The following ABTB2 variants were observed in gnomAD, a reference collection of about 807,000 sequenced individuals.
ABTB2 encodes ankyrin repeat and BTB/POZ domain-containing protein 2.
In ABTB2, 56 loss-of-function variants were observed where a neutral mutation model predicts 104.1. The observed-to-expected ratio is 0.54, with a 90% CI of 0.43 to 0.67. ABTB2 has a LOEUF of 0.67. ABTB2 is among the 30% of genes least tolerant of loss of function. The pLI, the probability that ABTB2 is intolerant of heterozygous loss-of-function variation, is 0.00. For missense variants in ABTB2, 1,279 were observed against 1,407.7 expected (o/e 0.91, Z 1.46); for synonymous variants, 606 against 608.2 (o/e 1.00, Z 0.05).
intron 3 of ABTB2, among the ~76,000 whole-genome samples, chr11:34,194,116 G>A (rs1853217372): frequency 6.6e-6 from 1 of 152,204 alleles, no homozygotes; most frequent in Admixed American, 6.5e-5. Context: ...GAAGGAATCA[G>A]GGTACCTTTC....
chr11:34,231,359 C>G (rs1380609861), intron 1 of ABTB2, among the ~76,000 whole-genome samples: 3 of 152,044 alleles, frequency 2.0e-5, no homozygotes, highest in African/African-American at 7.3e-5. Context: ...TTAATAGATA[C>G]CACCCTCCCC....
rs560982079 is a variant in ABTB2 at position 34,204,859 on chromosome 11, G to A, written c.884-169C>T. 5.8e-4 allele frequency among the ~76,000 whole-genome samples: 89 copies of A among 152,286 alleles called. 1 individual carries two copies. Among genetic ancestry groups the A allele is most frequent in the Admixed American group, 1.8e-3 (27 of 15,294 alleles). On this transcript the variant is annotated intron_variant, in intron 1 of 16. Transcript: ENST00000435224. ...GGACTTGAGAACTTTGACTGTGGACGGTGCTATAGGGGCCAGAATGAGAAG... is the reference window on the plus strand; with the variant it reads ...GGACTTGAGAACTTTGACTGTGGACAGTGCTATAGGGGCCAGAATGAGAAG...
At chr11:34,312,326 C>T (rs771065422) in intron 1 of ABTB2, among the ~76,000 whole-genome samples, 10 of 152,100 alleles carry the variant, frequency 6.6e-5, no homozygotes, top group Non-Finnish European at 1.3e-4. Context: ...AGGGTCTCTA[C>T]GAGGCAAGTG....
chr11:34,169,850 G>A (rs1268768190), intron 5 of ABTB2, among the ~76,000 whole-genome samples: 2 of 151,996 alleles, frequency 1.3e-5, no homozygotes, highest in Non-Finnish European at 2.9e-5. Context: ...CCTCCCCCAG[G>A]CTCGGCTCAA....
chr11:34,217,112 T>C (rs773451594), intron 1 of ABTB2, among the ~76,000 whole-genome samples: 10 of 152,258 alleles, frequency 6.6e-5, no homozygotes, highest in Non-Finnish European at 1.3e-4. Context: ...GCTGTTATTC[T>C]GGACACACTG....
At chr11:34,221,838 A>G (rs1177933970) in intron 1 of ABTB2, among the ~76,000 whole-genome samples, 1 of 152,222 alleles carries the variant, frequency 6.6e-6, no homozygotes, top group East Asian at 1.9e-4. Context: ...CGGGAGTTCC[A>G]GACCAGCCTG....
At chr11:34,248,088 A>ATTTTTTTTT (rs377220875) in intron 1 of ABTB2, among the ~76,000 whole-genome samples, 17 of 78,368 alleles carry the variant, frequency 2.2e-4, no homozygotes, top group South Asian at 4.0e-4. Context: ...CTTATCTATA[A>ATTTTTTTTT]TTTTTCTTAA....
At chr11:34,197,250 T>G in intron 3 of ABTB2, 75 bp downstream of exon 3, 2 of 1,500,664 alleles carry the variant, frequency 1.3e-6, no homozygotes, top group Non-Finnish European at 1.9e-6. Flanking sequence ...CAGTCGTCAG[T>G]CAGTGTCAGT....
In ABTB2 at chr11:34,164,489, A is replaced by G. The variant is rs58781965; in HGVS notation, c.1988+197T>C. On this transcript the variant is annotated intron_variant, in intron 9 of 16. Transcript: ENST00000435224. ...TCCAGTCCCAGGTCTGCCAGGAATC[A>G]GCTGTGGGGCCTCCCCCATCTCTGG... Among the ~76,000 whole-genome samples, 510 of 152,340 alleles carry G rather than the reference A, an allele frequency of 3.3e-3. 5 individuals are homozygous for G. The highest frequency in any genetic ancestry group is 0.012 in the African/African-American group (493 of 41,576).
At chr11:34,272,391 A>G (rs897171690) in intron 1 of ABTB2, among the ~76,000 whole-genome samples, 1 of 149,304 alleles carries the variant, frequency 6.7e-6, no homozygotes, top group African/African-American at 2.4e-5. Context: ...CAATTAGAGT[A>G]TAATAGCAAA....
Position 34,248,088 on chromosome 11 carries a change from A to ATTTTTTTTTTTTTTTTTT in ABTB2, c.884-43399_884-43398insAAAAAAAAAAAAAAAAAA, listed in dbSNP as rs377220875. ...CAATCATTCAATTTACTTATCTATA[A>ATTTTTTTTTTTTTTTTTT]TTTTTCTTAAAAAAAAAAAAAAAAA... On this transcript the variant is annotated intron_variant, in intron 1 of 16. Transcript: ENST00000435224. Among the ~76,000 whole-genome samples, 143 of 78,344 alleles carry ATTTTTTTTTTTTTTTTTT rather than the reference A, an allele frequency of 1.8e-3. 2 individuals are homozygous for ATTTTTTTTTTTTTTTTTT. Among genetic ancestry groups the ATTTTTTTTTTTTTTTTTT allele is most frequent in the African/African-American group, 2.5e-3 (35 of 14,106 alleles). 51.4% of individuals were successfully genotyped at this position (78,344 alleles called of 152,430 possible).
At chr11:34,237,992 A>G (rs555030123) in intron 1 of ABTB2, among the ~76,000 whole-genome samples, 1 of 152,370 alleles carries the variant, frequency 6.6e-6, no homozygotes, top group East Asian at 1.9e-4. Context: ...CTGATGTGTG[A>G]TTATTCATTG....
At chr11:34,338,070 G>T (rs754443743) in intron 1 of ABTB2, among the ~76,000 whole-genome samples, 1 of 151,960 alleles carries the variant, frequency 6.6e-6, no homozygotes, top group Non-Finnish European at 1.5e-5. Context: ...TAGAATCGCC[G>T]CAAGAGTTGC....
chr11:34,219,968 T>G (rs192275359), intron 1 of ABTB2, among the ~76,000 whole-genome samples: 2 of 152,302 alleles, frequency 1.3e-5, no homozygotes, highest in Admixed American at 1.3e-4. Flanking sequence ...AAAGCCCCCA[T>G]TTACTCAAAG....
chr11:34,341,477 CTG>C (rs1360097616), intron 1 of ABTB2, among the ~76,000 whole-genome samples: 1 of 152,214 alleles, frequency 6.6e-6, no homozygotes, highest in African/African-American at 2.4e-5. Context: ...ACTCTAATGG[CTG>C]TATTGTTGCA....
Position 34,306,617 on chromosome 11 carries a change from AG to A in ABTB2, c.883+50083del, listed in dbSNP as rs1476366399. Among the ~76,000 whole-genome samples the A allele has an allele frequency of 2.6e-5, 4 of 151,874 alleles. No homozygotes were observed. In the East Asian group the frequency reaches 7.8e-4, roughly 30 times the overall value. On this transcript the variant is annotated intron_variant, in intron 1 of 16. Transcript: ENST00000435224. ...TGTGTGCCTGTAGTCCCAGCTACTG[AG>A]GAGGCTGAGGTGGGAGGATGGCTTG... is the stretch of plus-strand genomic sequence containing the variant.
rs375584851 is a variant in ABTB2 at position 34,173,209 on chromosome 11, C to T, written c.1343G>A (p.Arg448Gln). The change falls in exon 4 of 17, where the codon CGG becomes CAG. Residue 448 changes from arginine (R) to glutamine (Q), a missense_variant. Coordinates refer to ENST00000435224, the MANE Select transcript of ABTB2 (RefSeq NM_145804.3). ...AGGCAGCAGCAGCCGGGCTGCCTGC[C>T]GGATGTCGCCGCTGTCCACGGTGAG... Reference protein sequence around the residue: ...RSLTVDSGDIRQAARLLLPGL... With the variant: ...RSLTVDSGDIQQAARLLLPGL... 12 of 1,613,518 alleles carry T rather than the reference C, an allele frequency of 7.4e-6. No homozygotes were observed. Among genetic ancestry groups the T allele is most frequent in the South Asian group, 3.3e-5 (3 of 91,034 alleles).
chr11:34,155,148 G>A (rs1302559417), intron 14 of ABTB2, among the ~76,000 whole-genome samples: 2 of 152,342 alleles, frequency 1.3e-5, no homozygotes, highest in Admixed American at 6.5e-5. Context: ...CAGGGCTCTC[G>A]CATCATGCCT....
intron 1 of ABTB2, chr11:34,335,422 T>C (rs1314781196): frequency 1.3e-6 from 1 of 791,750 alleles, no homozygotes; most frequent in African/African-American, 1.7e-5. Flanking sequence ...TCTCTTTCAG[T>C]TTCTACTTCT....
Sources: gnomAD v4.1 joint callset for allele counts (sites outside exome capture counted in the v4.1 genomes callset) on GRCh38, gnomAD v4.1.1 for gene constraint, MANE v1.5 for transcripts, NCBI Gene and HGNC (gene_info 2026-07-23, HGNC 2026-07-21) for gene names.